PCDHGB6: variants seen among roughly 807,000 people sequenced by gnomAD.
The protein encoded by PCDHGB6 is protocadherin gamma-B6.
PCDHGB6 carries 51 observed loss-of-function variants against 59.1 expected under a neutral mutation model. That is an observed-to-expected ratio of 0.86 (90% CI 0.69 to 1.09). PCDHGB6 has a LOEUF of 1.09. Among genes scored for constraint, PCDHGB6 ranks in the 50% least tolerant of loss-of-function variants. The probability of loss-of-function intolerance (pLI) is 0.00; values close to 1 mark genes in which losing one functional copy is unlikely to be tolerated. For missense variants in PCDHGB6, 1,148 were observed against 1,205.1 expected, an observed-to-expected ratio of 0.95 and a Z score of 0.70; for synonymous variants, 466 against 495.1, an observed-to-expected ratio of 0.94 and a Z score of 0.78.
At position 141,408,244 on chromosome 5, in the gene PCDHGB6, G is replaced by A. The variant is rs746604555; in HGVS notation, c.42G>A (p.Arg14=). The stretch of plus-strand genomic sequence containing the variant: ...CGCAGAGGCGCCGGGCCGGCCCGCG[G>A]CAGGTGCTATTTCCTTTGCTGCTGC... ...SCAQRRRAGP[R]QVLFPLLLPL... is the part of the protein sequence containing the mutation. The change falls in exon 1 of 4, where the codon CGG becomes CGA. Residue 14 remains arginine (R), a synonymous_variant. Coordinates refer to ENST00000520790, the MANE Select transcript of PCDHGB6 (RefSeq NM_018926.3). The A allele has an allele frequency of 6.3e-7, 1 of 1,585,990 alleles. No homozygotes were observed. The highest frequency in any genetic ancestry group is 8.6e-7 in the Non-Finnish European group (1 of 1,165,876).
intron 1 of PCDHGB6, among the ~76,000 whole-genome samples, chr5:141,443,486 A>AAAAC (rs1345310906): frequency 6.6e-6 from 1 of 152,166 alleles, no homozygotes; most frequent in Non-Finnish European, 1.5e-5. Flanking sequence ...ACCCTGTCCC[A>AAAAC]AAACAAACAA....
intron 1 of PCDHGB6, among the ~76,000 whole-genome samples, chr5:141,480,615 AT>A (rs1279544819): frequency 2.0e-5 from 3 of 152,218 alleles, no homozygotes; most frequent in African/African-American, 7.2e-5. Context: ...AGCAACTGGC[AT>A]TTTCCCTAGA....
intron 1 of PCDHGB6, among the ~76,000 whole-genome samples, chr5:141,488,697 A>T (rs1337725245): frequency 6.6e-6 from 1 of 152,162 alleles, no homozygotes; most frequent in Non-Finnish European, 1.5e-5. Context: ...GAAGGACAAG[A>T]TTTTGCTGGT....
In PCDHGB6 at chr5:141,431,248, G is replaced by C. The variant is rs1213088915; in HGVS notation, c.2418+20628G>C. On this transcript the variant is annotated intron_variant, in intron 1 of 3. Coordinates refer to ENST00000520790, the MANE Select transcript of PCDHGB6 (RefSeq NM_018926.3). This position sits in a 1 kb window ranked among gnomAD's most constrained non-coding sequence, Gnocchi z 4.8. ...CCCACGCCTGGGATCCGGATATCGG[G>C]AAGAACTCTCTGCAGAGCTACGAGC... is the stretch of plus-strand genomic sequence containing the variant. 5 of 1,614,022 alleles carry C rather than the reference G, an allele frequency of 3.1e-6. No homozygotes were observed. Among genetic ancestry groups the C allele is most frequent in the Non-Finnish European group, 4.2e-6 (5 of 1,180,056 alleles).
intron 1 of PCDHGB6, among the ~76,000 whole-genome samples, chr5:141,449,921 C>T (rs2098659300): frequency 6.6e-6 from 1 of 151,648 alleles, no homozygotes; most frequent in African/African-American, 2.4e-5. Flanking sequence ...TTAAATTCTA[C>T]CATACCTTAT....
intron 1 of PCDHGB6, among the ~76,000 whole-genome samples, chr5:141,447,632 T>G (rs931349669): frequency 9.2e-5 from 14 of 152,160 alleles, no homozygotes; most frequent in Non-Finnish European, 2.1e-4. Flanking sequence ...ACCAACAGTA[T>G]GAATGATGGT....
intron 1 of PCDHGB6, among the ~76,000 whole-genome samples, chr5:141,460,682 T>A (rs957470916): frequency 3.3e-5 from 5 of 152,134 alleles, no homozygotes; most frequent in African/African-American, 1.2e-4. Flanking sequence ...TATATCTATA[T>A]ATCCACCAAC....
At chr5:141,498,679 C>T (rs1454800332) in intron 2 of PCDHGB6, among the ~76,000 whole-genome samples, 1 of 152,170 alleles carries the variant, frequency 6.6e-6, no homozygotes, top group African/African-American at 2.4e-5. Flanking sequence ...CGCCTGTAAT[C>T]CCAGCACTTT....
In PCDHGB6 at chr5:141,511,540, C is replaced by CTA; in HGVS notation, c.*367_*368insTA. ...ATCCCATGCCTCCCTCCTCCCCACC[C>CTA]CACTCCAACAGTTCCTCTTTCCCGA... On this transcript the variant is annotated 3_prime_UTR_variant, in exon 4 of 4. Transcript: ENST00000520790. 3.0e-6 allele frequency: 1 copy of CTA among 328,024 alleles called. No individual in the cohort carries two copies. Among genetic ancestry groups the CTA allele is most frequent in the South Asian group, 3.2e-5 (1 of 31,610 alleles). 20.3% of individuals were successfully genotyped at this position (328,024 alleles called of 1,614,324 possible). A position where few individuals can be genotyped will look rare whatever the true frequency, so the allele number is the denominator to read the frequency against.
intron 3 of PCDHGB6, chr5:141,507,291 T>A (rs956764262): frequency 3.4e-5 from 5 of 147,704 alleles, no homozygotes; most frequent in African/African-American, 5.1e-5. Flanking sequence ...CAGTCTCAAA[T>A]GTTGCATGAG....
chr5:141,430,996 G>T, intron 1 of PCDHGB6: 1 of 1,614,024 alleles, frequency 6.2e-7, no homozygotes, highest in Middle Eastern at 1.6e-4. Flanking sequence ...CCCTGAATCC[G>T]CGCAGCGGCA....
At position 141,511,032 on chromosome 5, in the gene PCDHGB6, G is replaced by T. The variant is rs779589499; in HGVS notation, c.2652G>T (p.Gln884His). 6.2e-7 allele frequency: 1 copy of T among 1,614,228 alleles called. No individual in the cohort carries two copies. Among genetic ancestry groups the T allele is most frequent in the South Asian group, 1.1e-5 (1 of 91,090 alleles). ...GCTACGGACCCCAGTTCACCCTGCAGCACGTGCCCGACTACCGCCAGAATG... is the reference window on the plus strand; with the variant it reads ...GCTACGGACCCCAGTTCACCCTGCATCACGTGCCCGACTACCGCCAGAATG... ...SARYGPQFTLQHVPDYRQNVY... is the reference protein window; with the variant it reads ...SARYGPQFTLHHVPDYRQNVY... Residue 884 changes from glutamine (Q) to histidine (H), a missense_variant, in exon 4 of 4, where the codon CAG (glutamine) becomes CAT (histidine). Gln to His is a conservative substitution (Grantham distance 24, BLOSUM62 0). Coordinates refer to ENST00000520790, the MANE Select transcript of PCDHGB6 (RefSeq NM_018926.3).
At position 141,476,114 on chromosome 5, in the gene PCDHGB6, G is replaced by C; in HGVS notation, c.2419-18693G>C. 3.8e-6 allele frequency: 6 copies of C among 1,592,296 alleles called. No homozygotes were observed. Among genetic ancestry groups the C allele is most frequent in the Non-Finnish European group, 5.1e-6 (6 of 1,171,536 alleles). On this transcript the variant is annotated intron_variant, in intron 1 of 3. Coordinates refer to ENST00000520790, the MANE Select transcript of PCDHGB6 (RefSeq NM_018926.3). This position sits in a 1 kb window ranked among gnomAD's most constrained non-coding sequence, Gnocchi z 7.6. Reference sequence around the variant, plus strand: ...CCGCTGAGAGGAACTGCTTTTGAGTGAGATGGTCCCAGAGGCCTGGAGGAG... The same window carrying C: ...CCGCTGAGAGGAACTGCTTTTGAGTCAGATGGTCCCAGAGGCCTGGAGGAG...
chr5:141,410,258 G>A lies in PCDHGB6; in HGVS notation c.2056G>A (p.Ala686Thr). The A allele has an allele frequency of 6.2e-7, 1 of 1,614,022 alleles. No homozygotes were observed. Among genetic ancestry groups the A allele is most frequent in the East Asian group, 2.2e-5 (1 of 44,856 alleles). The change falls in exon 1 of 4, where the codon GCT (alanine) becomes ACT (threonine). Residue 686 changes from alanine (A) to threonine (T), a missense_variant. By Grantham distance (58) the Ala-to-Thr change is moderately conservative. Around this residue, in one of 5 missense-constraint regions of PCDHGB6, gnomAD observed 283 missense variants for 318.6 expected, o/e 0.89. Transcript: ENST00000520790. ...CCGCCCTGTACTCTCTGACCCCCAG[G>A]CTGAACTGCAGTTTTACCTGGTGGT... is the stretch of plus-strand genomic sequence containing the variant. ...SDRPVLSDPQ[A>T]ELQFYLVVAL...
chr5:141,485,116 G>T lies in PCDHGB6; in HGVS notation c.2419-9691G>T, dbSNP rs904145668. ...TGTCTCCAGCTGCTGTGGCTGTTTGGGGCGGGTCGGCTTCATCCGCGTCTC... is the reference window on the plus strand; with the variant it reads ...TGTCTCCAGCTGCTGTGGCTGTTTGTGGCGGGTCGGCTTCATCCGCGTCTC... On this transcript the variant is annotated intron_variant, in intron 1 of 3. Coordinates refer to ENST00000520790, the MANE Select transcript of PCDHGB6 (RefSeq NM_018926.3). This position sits in a 1 kb window ranked among gnomAD's most constrained non-coding sequence, Gnocchi z 5.7. 3.0e-6 allele frequency: 4 copies of T among 1,312,058 alleles called. No homozygotes were observed. The African/African-American group carries it at 5.8e-5, about 19-fold the overall frequency. 81.3% of individuals were successfully genotyped at this position (1,312,058 alleles called of 1,614,324 possible).
intron 1 of PCDHGB6, among the ~76,000 whole-genome samples, chr5:141,444,275 G>A (rs1427489988): frequency 7.1e-6 from 1 of 141,698 alleles, no homozygotes; most frequent in Non-Finnish European, 1.5e-5. Flanking sequence ...AGGTTCAAGT[G>A]ATTCTCCTGC....
At chr5:141,475,889 T>C in intron 1 of PCDHGB6, 1 of 562,248 alleles carries the variant, frequency 1.8e-6, no homozygotes, top group Non-Finnish European at 3.1e-6. Context: ...GCTGGGACTC[T>C]GTGTGCCGCT....
rs1224515106 is a variant in PCDHGB6 at position 141,491,453 on chromosome 5, C to T, written c.2419-3354C>T. On this transcript the variant is annotated intron_variant, in intron 1 of 3. Transcript: ENST00000520790. The surrounding 1 kb of genome is among the most constrained non-coding windows in gnomAD (Gnocchi z 6.9). ...TGCTGCAGGCGCCAGGACTCACCCT[C>T]CCCGGACTTCTATAAGCAGTCCAGC... The T allele has an allele frequency of 6.2e-6, 10 of 1,614,120 alleles. No homozygotes were observed. The highest frequency in any genetic ancestry group is 8.5e-6 in the Non-Finnish European group (10 of 1,180,028).
At chr5:141,417,637 A>ATCCCTCAGCCTCTAGCCTGGGAT (rs2096141530) in intron 1 of PCDHGB6, 1 of 724,654 alleles carries the variant, frequency 1.4e-6, no homozygotes, top group Admixed American at 3.5e-5. Flanking sequence ...GACGCCGGGG[A>ATCCCTCAGCCTCTAGCCTGGGAT]TCCCTCAGCC....
Sources: allele counts gnomAD v4.1 joint callset (sites outside exome capture counted in the v4.1 genomes callset), GRCh38; gene constraint gnomAD v4.1.1; regional missense constraint gnomAD v4.1.1; non-coding constraint Gnocchi (gnomAD v3.1); transcripts MANE v1.5; gene names NCBI Gene and HGNC (gene_info 2026-07-23, HGNC 2026-07-21).